The following SPOCK1 variants were observed in gnomAD, a reference collection of about 807,000 sequenced individuals.
SPOCK1 encodes testican-1.
In SPOCK1, 23 loss-of-function variants were observed where a neutral mutation model predicts 55.3. The ratio of observed to expected loss-of-function variants is 0.42; its 90% confidence interval spans 0.30 to 0.59. The LOEUF (loss-of-function observed/expected upper bound fraction) is 0.59. Ranked by LOEUF, SPOCK1 falls within the 20% of genes least tolerant of loss-of-function variation. SPOCK1 has a pLI of 0.22. For missense variants in SPOCK1, 499 were observed against 552.5 expected, an observed-to-expected ratio of 0.90 and a Z score of 0.97; for synonymous variants, 226 against 221.0, an observed-to-expected ratio of 1.02 and a Z score of -0.20.
chr5:137,215,444 G>C (rs551432888), intron 3 of SPOCK1, among the ~76,000 whole-genome samples: 17 of 152,246 alleles, frequency 1.1e-4, no homozygotes, highest in South Asian at 1.0e-3. Context: ...AAGAGGAAAA[G>C]CCACAGCACC....
rs141913938 is a variant in SPOCK1 at position 137,269,277 on chromosome 5, C to G, written c.187-2222G>C. Among the ~76,000 whole-genome samples the G allele has an allele frequency of 3.3e-4, 51 of 152,320 alleles. No homozygotes were observed. The East Asian group carries it at 7.0e-3, about 21-fold the overall frequency. Reference sequence around the variant, plus strand: ...TCCTTCAAACAACCCCTTGCCCAGCCAGGCCAAGCAGGGAAGAAAAATGAT... The same window carrying G: ...TCCTTCAAACAACCCCTTGCCCAGCGAGGCCAAGCAGGGAAGAAAAATGAT... On this transcript the variant is annotated intron_variant, in intron 2 of 10. Transcript: ENST00000394945.
intron 6 of SPOCK1, among the ~76,000 whole-genome samples, chr5:137,053,283 A>G (rs901376562): frequency 6.6e-6 from 1 of 152,090 alleles, no homozygotes; most frequent in Non-Finnish European, 1.5e-5. Flanking sequence ...TATCACAGAA[A>G]GCCAATAAGG....
rs1343691789 is a variant in SPOCK1, at chr5:137,066,987, C to CACACACACAGAGAG, written c.589+727_589+728insCTCTCTGTGTGTGT. On this transcript the variant is annotated intron_variant, in intron 6 of 10. Coordinates refer to ENST00000394945, the MANE Select transcript of SPOCK1 (RefSeq NM_004598.4). The stretch of plus-strand genomic sequence containing the variant: ...ATACACACACACACACACACACACA[C>CACACACACAGAGAG]AGAGAGAGAGAGAGAGAGAGAGAAA... Among the ~76,000 whole-genome samples, 22 of 139,654 alleles carry CACACACACAGAGAG rather than the reference C, an allele frequency of 1.6e-4. No individual in the cohort carries two copies. The East Asian group carries it at 2.1e-3, about 13-fold the overall frequency. The allele number at this position is 139,654 out of a possible 152,430, so 91.6% of individuals were successfully genotyped here.
intron 3 of SPOCK1, among the ~76,000 whole-genome samples, chr5:137,167,765 A>T (rs1754676506): frequency 6.6e-6 from 1 of 152,126 alleles, no homozygotes; most frequent in Non-Finnish European, 1.5e-5. Flanking sequence ...ATTTCTTGAA[A>T]CAAATAAGGG....
chr5:137,062,768 A>C (rs1381910108), intron 6 of SPOCK1, among the ~76,000 whole-genome samples: 2 of 152,042 alleles, frequency 1.3e-5, no homozygotes, highest in Non-Finnish European at 2.9e-5. Flanking sequence ...AGCCCAACGC[A>C]GAGATTTCAA....
At chr5:137,496,088 T>C (rs1220196778) in intron 2 of SPOCK1, among the ~76,000 whole-genome samples, 1 of 152,218 alleles carries the variant, frequency 6.6e-6, no homozygotes, top group Non-Finnish European at 1.5e-5. Context: ...TTTTGTTATG[T>C]CTTGGACATT....
At chr5:137,113,993 GTTC>G (rs1753525759) in intron 4 of SPOCK1, among the ~76,000 whole-genome samples, 1 of 152,172 alleles carries the variant, frequency 6.6e-6, no homozygotes, top group African/African-American at 2.4e-5. Context: ...CGTTAATTTG[GTTC>G]TTATTCTACC....
At chr5:137,272,724 A>T (rs1215665176) in intron 2 of SPOCK1, among the ~76,000 whole-genome samples, 1 of 51,874 alleles carries the variant, frequency 1.9e-5, no homozygotes, top group Non-Finnish European at 3.6e-5. Context: ...TGCACAAATC[A>T]CCCACCCCCA....
At chr5:137,396,711 G>A (rs1463902384) in intron 2 of SPOCK1, among the ~76,000 whole-genome samples, 1 of 152,220 alleles carries the variant, frequency 6.6e-6, no homozygotes, top group East Asian at 1.9e-4. Context: ...ATAACCCTAT[G>A]AGGTAAAACT....
At chr5:137,068,194 C>T (rs968022205) in intron 5 of SPOCK1, among the ~76,000 whole-genome samples, 2 of 152,158 alleles carry the variant, frequency 1.3e-5, no homozygotes, top group African/African-American at 2.4e-5. Flanking sequence ...ACACTCCTCC[C>T]GTGTGGAGGT....
intron 3 of SPOCK1, among the ~76,000 whole-genome samples, chr5:137,231,434 C>A (rs1756062475): frequency 6.6e-6 from 1 of 152,182 alleles, no homozygotes; most frequent in Admixed American, 6.5e-5. Context: ...AACTATCAAT[C>A]TTTTCTCCAT....
intron 2 of SPOCK1, among the ~76,000 whole-genome samples, chr5:137,318,107 C>T (rs1253935694): frequency 2.0e-5 from 3 of 152,160 alleles, no homozygotes; most frequent in Admixed American, 1.3e-4. Context: ...TAACTGCATA[C>T]GTTACAAGCA....
intron 2 of SPOCK1, among the ~76,000 whole-genome samples, chr5:137,435,970 G>A (rs1215820027): frequency 1.1e-4 from 17 of 151,584 alleles, no homozygotes; most frequent in Admixed American, 9.2e-4. Flanking sequence ...CCTGGGCAAC[G>A]TGGCAAAACC....
intron 2 of SPOCK1, among the ~76,000 whole-genome samples, chr5:137,274,872 C>T (rs1757032567): frequency 6.6e-6 from 1 of 152,212 alleles, no homozygotes; most frequent in Non-Finnish European, 1.5e-5. Flanking sequence ...TCACACCTCT[C>T]TATTAAATAG....
chr5:137,149,099 G>A (rs1160910440), intron 3 of SPOCK1, among the ~76,000 whole-genome samples: 1 of 152,204 alleles, frequency 6.6e-6, no homozygotes, highest in African/African-American at 2.4e-5. Flanking sequence ...GCTTTTAAAG[G>A]CAATGCTGCT....
intron 2 of SPOCK1, among the ~76,000 whole-genome samples, chr5:137,451,582 C>T (rs139105435): frequency 2.7e-4 from 41 of 152,334 alleles, no homozygotes; most frequent in African/African-American, 9.1e-4. Context: ...TGCAACACCA[C>T]GTAAACCCAG....
At chr5:137,018,115 C>A (rs1751487162) in intron 6 of SPOCK1, among the ~76,000 whole-genome samples, 1 of 152,210 alleles carries the variant, frequency 6.6e-6, no homozygotes. Context: ...ATAACTGGAA[C>A]AGTGCTACCA....
intron 6 of SPOCK1, among the ~76,000 whole-genome samples, chr5:137,055,827 A>G (rs1168867037): frequency 6.6e-6 from 1 of 152,002 alleles, no homozygotes; most frequent in African/African-American, 2.4e-5. Flanking sequence ...TGATGATGGC[A>G]TCTTCCCAGT....
chr5:137,183,144 A>AC (rs1406419159), intron 3 of SPOCK1, among the ~76,000 whole-genome samples: 1 of 152,122 alleles, frequency 6.6e-6, no homozygotes, highest in African/African-American at 2.4e-5. Flanking sequence ...GCATCCATCA[A>AC]TCTCATTAAT....
Sources: gnomAD v4.1 joint callset for allele counts (sites outside exome capture counted in the v4.1 genomes callset) on GRCh38, gnomAD v4.1.1 for gene constraint, MANE v1.5 for transcripts, NCBI Gene and HGNC (gene_info 2026-07-23, HGNC 2026-07-21) for gene names.